Variants in SIRT5 observed in about 807,000 individuals in gnomAD.
SIRT5 encodes NAD-dependent protein deacylase sirtuin-5, mitochondrial.
In SIRT5, 26 loss-of-function variants were observed where a neutral mutation model predicts 40.0. The ratio of observed to expected loss-of-function variants is 0.65; its 90% CI spans 0.48 to 0.90. SIRT5 has a LOEUF of 0.90. Ranked by LOEUF, SIRT5 falls within the 40% of genes least tolerant of loss-of-function variation. The probability of loss-of-function intolerance (pLI) is 0.00; values close to 1 mark genes in which losing one functional copy is unlikely to be tolerated. For missense variants in SIRT5, 401 were observed against 402.4 expected (o/e 1.00, Z 0.03); for synonymous variants, 146 against 149.1 (o/e 0.98, Z 0.15).
chr6:13,580,743 A>C (rs1759237986), intron 2 of SIRT5, among the ~76,000 whole-genome samples: 3 of 152,032 alleles, frequency 2.0e-5, no homozygotes, highest in Non-Finnish European at 4.4e-5. Context: ...ATCATGACTC[A>C]CTGCAGCCTC....
At position 13,592,028 on chromosome 6, in the gene SIRT5, C is replaced by A. The variant is rs1023466370; in HGVS notation, c.475+134C>A. ...TGTCCTATAGGATGCTGTGGCATTT[C>A]CTTTGGGGACATGTTAGTGTCCCGT... is the stretch of plus-strand genomic sequence containing the variant. On this transcript the variant is annotated intron_variant, in intron 5 of 9. Transcript: ENST00000606117. The A allele has an allele frequency of 3.4e-6, 3 of 880,342 alleles. No homozygotes were observed. The African/African-American group carries it at 5.1e-5, about 15-fold the overall frequency. 54.5% of individuals were successfully genotyped at this position (880,342 alleles called of 1,614,324 possible).
chr6:13,583,131 A>G (rs918612669), intron 2 of SIRT5, among the ~76,000 whole-genome samples: 2 of 152,078 alleles, frequency 1.3e-5, no homozygotes, highest in Non-Finnish European at 2.9e-5. Context: ...GCTGGAGCCC[A>G]GGAAGTCAAG....
At chr6:13,601,259 T>C (rs1055697535) in intron 9 of SIRT5, among the ~76,000 whole-genome samples, 8 of 152,222 alleles carry the variant, frequency 5.3e-5, no homozygotes, top group Admixed American at 2.6e-4. Context: ...CCTGTAGTTG[T>C]AGGTTACCCA....
At chr6:13,608,262 T>G (rs1179220181) in intron 9 of SIRT5, among the ~76,000 whole-genome samples, 1 of 152,224 alleles carries the variant, frequency 6.6e-6, no homozygotes, top group African/African-American at 2.4e-5. Flanking sequence ...CTACAGAATT[T>G]ATACTAATGT....
chr6:13,586,920 C>T (rs1330035125), intron 3 of SIRT5, among the ~76,000 whole-genome samples: 2 of 152,134 alleles, frequency 1.3e-5, no homozygotes, highest in Non-Finnish European at 2.9e-5. Flanking sequence ...CATCTCTGAG[C>T]CCCCATCCCA....
In SIRT5 at chr6:13,588,414, G is replaced by A; in HGVS notation, c.199G>A (p.Val67Ile). Residue 67 changes from valine (V) to isoleucine (I), a missense_variant, in exon 4 of 10, where the codon GTT becomes ATT. Val to Ile is a conservative substitution (Grantham distance 29, BLOSUM62 3). Transcript: ENST00000606117. ...SGAGVSAESG[V>I]PTFRGAGGYW... ...AGCTGGTGTTAGTGCAGAAAGTGGT[G>A]TTCCGACCTTCAGAGGAGCTGGAGG... 1.2e-6 allele frequency: 2 copies of A among 1,614,222 alleles called. No individual in the cohort carries two copies. The highest frequency in any genetic ancestry group is 1.7e-6 in the Non-Finnish European group (2 of 1,180,040).
intron 9 of SIRT5, among the ~76,000 whole-genome samples, chr6:13,603,798 G>T (rs755630295): frequency 8.5e-5 from 13 of 152,110 alleles, no homozygotes; most frequent in Non-Finnish European, 1.6e-4. Flanking sequence ...CAACCCAAAC[G>T]TCCATCGACT....
At chr6:13,599,960 TATC>T (rs1241151489) in intron 8 of SIRT5, among the ~76,000 whole-genome samples, 1 of 152,256 alleles carries the variant, frequency 6.6e-6, no homozygotes, top group Admixed American at 6.5e-5. Context: ...TCTAAATCAA[TATC>T]ATCTTTCAAT....
At chr6:13,593,640 A>G (rs2127666308) in intron 5 of SIRT5, among the ~76,000 whole-genome samples, 1 of 152,348 alleles carries the variant, frequency 6.6e-6, no homozygotes. Flanking sequence ...TGGCATCTTC[A>G]GTCTGATGAA....
intron 5 of SIRT5, 89 bp downstream of exon 5, chr6:13,591,983 T>A: frequency 8.3e-7 from 1 of 1,205,262 alleles, no homozygotes; most frequent in Non-Finnish European, 1.2e-6. Flanking sequence ...CTTCCCTCCC[T>A]CCCTGCTGGA....
At chr6:13,583,288 T>A (rs1300369865) in intron 2 of SIRT5, among the ~76,000 whole-genome samples, 1 of 148,352 alleles carries the variant, frequency 6.7e-6, no homozygotes, top group Non-Finnish European at 1.5e-5. Flanking sequence ...TCTTCTTTGT[T>A]CTTTTTTTTT....
chr6:13,598,405 C>T (rs1227398129), intron 7 of SIRT5, among the ~76,000 whole-genome samples: 1 of 151,742 alleles, frequency 6.6e-6, no homozygotes, highest in Non-Finnish European at 1.5e-5. Flanking sequence ...GGGTGGGAGG[C>T]AAATCTGAGT....
At position 13,614,646 on chromosome 6, in the gene SIRT5, C is replaced by CA. The variant is rs997631575; in HGVS notation, c.*2782dup. 1.3e-5 allele frequency: 2 copies of CA among 152,284 alleles called. No homozygotes were observed. Among genetic ancestry groups the CA allele is most frequent in the Admixed American group, 6.5e-5 (1 of 15,278 alleles). The allele number at this position is 152,284 out of a possible 1,614,324, so 9.4% of individuals were successfully genotyped here. A position where few individuals can be genotyped will look rare whatever the true frequency, so the allele number is the denominator to read the frequency against. On this transcript the variant is annotated 3_prime_UTR_variant, in exon 10 of 10. Coordinates refer to ENST00000606117, the MANE Select transcript of SIRT5 (RefSeq NM_012241.5). ...TTCAGGAGATATGCTCAGCATTTGC[C>CA]ACGGGCCAGCTGCTGTTCCAGGTCG...
At chr6:13,606,833 C>G (rs1412270128) in intron 9 of SIRT5, among the ~76,000 whole-genome samples, 1 of 152,044 alleles carries the variant, frequency 6.6e-6, no homozygotes, top group African/African-American at 2.4e-5. Flanking sequence ...AGGCGTGCAC[C>G]ACCACACCTG....
chr6:13,575,992 T>A (rs1200850436), intron 1 of SIRT5, among the ~76,000 whole-genome samples: 1 of 152,264 alleles, frequency 6.6e-6, no homozygotes, highest in Non-Finnish European at 1.5e-5. Flanking sequence ...AATTGCCTTC[T>A]GTTTTAAGAC....
Position 13,588,446 on chromosome 6 carries a change from G to C in SIRT5, c.231G>C (p.Trp77Cys), listed in dbSNP as rs1310624668. The C allele has an allele frequency of 6.2e-7, 1 of 1,614,106 alleles. No individual in the cohort carries two copies. Among genetic ancestry groups the C allele is most frequent in the Non-Finnish European group, 8.5e-7 (1 of 1,180,008 alleles). The change falls in exon 4 of 10, where the codon TGG becomes TGC. Residue 77 changes from tryptophan (W) to cysteine (C), a missense_variant. Trp to Cys is a radical substitution (Grantham distance 215). Transcript: ENST00000606117. ...VPTFRGAGGYWRKWQAQDLAT... is the reference protein window; with the variant it reads ...VPTFRGAGGYCRKWQAQDLAT... ...CCTTCAGAGGAGCTGGAGGTTATTG[G>C]AGAAAATGGCAAGCCCAGGTTTGTA...
rs578211715 is a variant in SIRT5 at position 13,605,888 on chromosome 6, A to G, written c.857+4939A>G. 7.7e-6 allele frequency: 7 copies of G among 903,642 alleles called. No homozygotes were observed. The East Asian group carries it at 7.1e-4, about 92-fold the overall frequency. The allele number at this position is 903,642 out of a possible 1,614,324, so 56.0% of individuals were successfully genotyped here. ...TGGCCCACTGTGCCCTGCAGCCACTATGTTGTGCCCTGTTGATCTTTAAAT... is the reference window on the plus strand; with the variant it reads ...TGGCCCACTGTGCCCTGCAGCCACTGTGTTGTGCCCTGTTGATCTTTAAAT... On this transcript the variant is annotated intron_variant, in intron 9 of 9. Transcript: ENST00000606117.
chr6:13,606,574 T>C (rs1314547948), intron 9 of SIRT5, among the ~76,000 whole-genome samples: 1 of 152,166 alleles, frequency 6.6e-6, no homozygotes, highest in Non-Finnish European at 1.5e-5. Flanking sequence ...AGTTGGTCTG[T>C]TCATTCAAAA....
At chr6:13,598,878 C>T (rs1463982826) in intron 7 of SIRT5, among the ~76,000 whole-genome samples, 154 bp from the exon 8 acceptor site, 3 of 149,102 alleles carry the variant, frequency 2.0e-5, no homozygotes, top group Non-Finnish European at 4.4e-5. Flanking sequence ...ATAAGCAAGG[C>T]AAGTTTATAT....
Sources: allele counts gnomAD v4.1 joint callset (sites outside exome capture counted in the v4.1 genomes callset), GRCh38; gene constraint gnomAD v4.1.1; transcripts MANE v1.5; gene names NCBI Gene and HGNC (gene_info 2026-07-23, HGNC 2026-07-21).